SEMA4D: variants seen among roughly 807,000 people sequenced by gnomAD.
SEMA4D encodes the protein semaphorin 4D.
Under a neutral mutation model 74.8 loss-of-function variants are expected in SEMA4D, and 22 were observed. That is an observed-to-expected ratio of 0.29 (90% CI 0.21 to 0.42). The LOEUF is 0.42. Ranked by LOEUF, SEMA4D falls within the 10% of genes least tolerant of loss-of-function variation. SEMA4D has a pLI of 1.00. For missense variants in SEMA4D, 937 were observed against 1,118.4 expected (o/e 0.84, Z 2.31); for synonymous variants, 445 against 463.7 (o/e 0.96, Z 0.52).
chr9:89,462,007 A>G (rs1018793213), intron 1 of SEMA4D, among the ~76,000 whole-genome samples: 3 of 152,164 alleles, frequency 2.0e-5, no homozygotes, highest in East Asian at 1.9e-4. Context: ...GGCCTGATGT[A>G]TATTTCTTGA....
intron 2 of SEMA4D, among the ~76,000 whole-genome samples, chr9:89,444,454 C>T (rs34488061): frequency 0.16 from 23,775 of 152,138 alleles, 2,389 homozygotes; most frequent in South Asian, 0.23. Flanking sequence ...GATGTGGGCA[C>T]GTGAAGAGAC....
intron 1 of SEMA4D, among the ~76,000 whole-genome samples, chr9:89,457,381 G>A (rs952455314): frequency 1.3e-5 from 2 of 152,206 alleles, no homozygotes; most frequent in Non-Finnish European, 2.9e-5. Context: ...GTCCATCAGT[G>A]GCTGACCAGA....
chr9:89,400,957 C>G (rs1842088700), intron 4 of SEMA4D, among the ~76,000 whole-genome samples: 2 of 152,190 alleles, frequency 1.3e-5, no homozygotes, highest in African/African-American at 4.8e-5. Flanking sequence ...CAGGAAGGCG[C>G]TCAGAGGAAG....
chr9:89,493,065 TG>T (rs969605361), intron 1 of SEMA4D, among the ~76,000 whole-genome samples: 1 of 152,226 alleles, frequency 6.6e-6, no homozygotes, highest in Non-Finnish European at 1.5e-5. Context: ...ACGTGTTTTC[TG>T]GGGAAGCAGT....
At chr9:89,490,201 T>C (rs1297160226) in intron 1 of SEMA4D, among the ~76,000 whole-genome samples, 1 of 152,222 alleles carries the variant, frequency 6.6e-6, no homozygotes, top group Admixed American at 6.5e-5. Flanking sequence ...GCAGTTTTTG[T>C]GGTTGAGTTG....
chr9:89,414,036 A>G (rs1845139872), intron 2 of SEMA4D, among the ~76,000 whole-genome samples: 1 of 152,212 alleles, frequency 6.6e-6, no homozygotes, highest in Non-Finnish European at 1.5e-5. Flanking sequence ...CCAAAATGCC[A>G]TCTGGGGACT....
chr9:89,461,417 C>T (rs1183115505), intron 1 of SEMA4D, among the ~76,000 whole-genome samples: 1 of 152,146 alleles, frequency 6.6e-6, no homozygotes, highest in Non-Finnish European at 1.5e-5. Flanking sequence ...ATAGATAAAG[C>T]AGCACTCGGG....
Position 89,412,385 on chromosome 9 carries a change from C to A in SEMA4D, c.-243-6686G>T, listed in dbSNP as rs28433915. ...GTATTTCCAGGAGTGTCAGCAGGTG[C>A]CCAGGTGGAAGCCAGCAGGTTCTCC... is the stretch of plus-strand genomic sequence containing the variant. On this transcript the variant is annotated intron_variant, in intron 2 of 15. Transcript: ENST00000422704. Among the ~76,000 whole-genome samples the A allele has an allele frequency of 4.6e-5, 7 of 152,260 alleles. No individual in the cohort carries two copies. The South Asian group carries it at 1.5e-3, about 32-fold the overall frequency.
intron 4 of SEMA4D, among the ~76,000 whole-genome samples, chr9:89,400,732 C>G (rs1842022848): frequency 6.6e-6 from 1 of 152,178 alleles, no homozygotes; most frequent in Non-Finnish European, 1.5e-5. Flanking sequence ...TCAACAGACT[C>G]TTGATCACGT....
At chr9:89,373,029 G>C (rs528463162), downstream of SEMA4D, among the ~76,000 whole-genome samples, 3 of 152,216 alleles carry the variant, frequency 2.0e-5, no homozygotes, top group South Asian at 6.2e-4. Flanking sequence ...TCCCACCCCA[G>C]CTCCTGACAC....
chr9:89,384,022 A>C (rs1588191852), intron 13 of SEMA4D, among the ~76,000 whole-genome samples: 1 of 152,168 alleles, frequency 6.6e-6, no homozygotes, highest in South Asian at 2.1e-4. Context: ...TGAGCTGTCT[A>C]AGTGCCTTCC....
intron 13 of SEMA4D, 44 bp downstream of exon 13, chr9:89,386,323 A>G (rs767424204): frequency 6.2e-6 from 9 of 1,448,400 alleles, no homozygotes; most frequent in Admixed American, 1.8e-5. Context: ...AATCAAAGCC[A>G]CCGAGCGGAG....
chr9:89,474,990 A>C (rs1861410823), intron 1 of SEMA4D, among the ~76,000 whole-genome samples: 1 of 152,178 alleles, frequency 6.6e-6, no homozygotes, highest in Non-Finnish European at 1.5e-5. Flanking sequence ...GGCTACAGGG[A>C]GGGTTTCACA....
intron 2 of SEMA4D, among the ~76,000 whole-genome samples, chr9:89,414,362 A>C (rs892821507): frequency 1.3e-5 from 2 of 152,194 alleles, no homozygotes; most frequent in Non-Finnish European, 2.9e-5. Flanking sequence ...CAGATGGGGC[A>C]GGTAAAGCTT....
chr9:89,373,476 T>A (rs1044207933), downstream of SEMA4D, among the ~76,000 whole-genome samples: 15 of 152,066 alleles, frequency 9.9e-5, no homozygotes, highest in Admixed American at 4.6e-4. Flanking sequence ...TGACCTTCCA[T>A]CAGTCAGCCC....
chr9:89,382,536 C>G (rs1837357217), intron 13 of SEMA4D, among the ~76,000 whole-genome samples: 1 of 152,120 alleles, frequency 6.6e-6, no homozygotes, highest in Non-Finnish European at 1.5e-5. Context: ...AGGATGGAAA[C>G]TGTGATAATA....
chr9:89,377,179 G>A (rs1835922960), downstream of SEMA4D: 1 of 1,385,172 alleles, frequency 7.2e-7, no homozygotes, highest in African/African-American at 1.5e-5. Flanking sequence ...TGTCCCGCCT[G>A]GGCCATGCAG....
At chr9:89,394,541 C>T (rs978367809) in intron 6 of SEMA4D, among the ~76,000 whole-genome samples, 2 of 152,206 alleles carry the variant, frequency 1.3e-5, no homozygotes, top group East Asian at 1.9e-4. Flanking sequence ...ACAGAACACG[C>T]GTGGGGATGC....
chr9:89,457,245 T>A (rs28473377), intron 1 of SEMA4D, among the ~76,000 whole-genome samples: 6 of 152,206 alleles, frequency 3.9e-5, no homozygotes, highest in Non-Finnish European at 7.3e-5. Context: ...GCCTGACAGG[T>A]GGGGAGCAGA....
Sources: gnomAD v4.1 joint callset for allele counts (sites outside exome capture counted in the v4.1 genomes callset) on GRCh38, gnomAD v4.1.1 for gene constraint, MANE v1.5 for transcripts, NCBI Gene and HGNC (gene_info 2026-07-23, HGNC 2026-07-21) for gene names.